Variants in LY9 observed in about 807,000 individuals in gnomAD.
The protein encoded by LY9 is lymphocyte antigen 9.
LY9 carries 59 observed loss-of-function variants against 64.6 expected under a neutral mutation model. The ratio of observed to expected loss-of-function variants is 0.91; its 90% CI spans 0.74 to 1.13. LY9 has a LOEUF of 1.13. Among genes scored for constraint, LY9 ranks in the 50% most tolerant of loss-of-function variants. The probability of loss-of-function intolerance (pLI) is 0.00; values close to 1 mark genes in which losing one functional copy is unlikely to be tolerated. For missense variants in LY9, 789 were observed against 797.2 expected (o/e 0.99, Z 0.12); for synonymous variants, 281 against 308.5 (o/e 0.91, Z 0.93).
intron 1 of LY9, 30 bp downstream of exon 1, chr1:160,796,341 G>A: frequency 6.2e-7 from 1 of 1,600,702 alleles, no homozygotes; most frequent in Non-Finnish European, 8.5e-7. Flanking sequence ...ACCACTTCTT[G>A]CTACTGCGGT....
chr1:160,818,396 C>T lies in LY9; in HGVS notation c.1444+77C>T, dbSNP rs145719988. ...ACTTGTGGAGGCTTCTCTGCCCTCACACAATCCCGTGCTACCCCTCCCTGC... is the reference window on the plus strand; with the variant it reads ...ACTTGTGGAGGCTTCTCTGCCCTCATACAATCCCGTGCTACCCCTCCCTGC... On this transcript the variant is annotated intron_variant, in intron 6 of 9. Coordinates refer to ENST00000263285, the MANE Select transcript of LY9 (RefSeq NM_002348.4). 6.9e-4 allele frequency: 746 copies of T among 1,074,106 alleles called. 4 individuals are homozygous for T. The African/African-American group carries it at 0.01, about 15-fold the overall frequency. 66.5% of individuals were successfully genotyped at this position (1,074,106 alleles called of 1,614,324 possible).
intron 2 of LY9, chr1:160,811,460 T>C (rs1385488384): frequency 6.6e-6 from 1 of 152,232 alleles, no homozygotes. Context: ...AAGCTTTAAG[T>C]TCTGGCTCCA....
At chr1:160,798,819 C>T (rs1247205835) in intron 1 of LY9, 1 of 152,154 alleles carries the variant, frequency 6.6e-6, no homozygotes, top group Non-Finnish European at 1.5e-5. Context: ...CTTATTTTCC[C>T]ACCCAGAATT....
rs1380942453 is a variant in LY9 at position 160,805,115 on chromosome 1, TTTA to T, written c.454+5039_454+5041del. 5.3e-5 allele frequency among the ~76,000 whole-genome samples: 8 copies of T among 152,236 alleles called. 1 individual carries two copies. Among genetic ancestry groups the T allele is most frequent in the Admixed American group, 5.2e-4 (8 of 15,298 alleles). On this transcript the variant is annotated intron_variant, in intron 2 of 9. Transcript: ENST00000263285. ...TACTTCATCGAGTTTTGCTCTGATA[TTTA>T]TTATTTCTTTTCTTCTACTAATTTT...
intron 2 of LY9, among the ~76,000 whole-genome samples, chr1:160,806,436 C>T (rs1667001804): frequency 6.6e-6 from 1 of 152,178 alleles, no homozygotes; most frequent in African/African-American, 2.4e-5. Flanking sequence ...TGTAAGACCC[C>T]ATCTAGTGGT....
intron 7 of LY9, among the ~76,000 whole-genome samples, chr1:160,820,003 A>G (rs1668289397): frequency 6.6e-6 from 1 of 151,628 alleles, no homozygotes; most frequent in Admixed American, 6.6e-5. Context: ...GCCAAGATAG[A>G]CTCCTTAGAG....
intron 9 of LY9, among the ~76,000 whole-genome samples, chr1:160,827,488 A>AT (rs1553193490): frequency 6.6e-6 from 1 of 152,106 alleles, no homozygotes; most frequent in Non-Finnish European, 1.5e-5. Flanking sequence ...CTTCATTGTC[A>AT]TTTTTTTATC....
At chr1:160,824,318 A>T in intron 9 of LY9, 69 bp downstream of exon 9, 1 of 1,591,468 alleles carries the variant, frequency 6.3e-7, no homozygotes, top group Non-Finnish European at 8.6e-7. Flanking sequence ...GACCCTTTGA[A>T]CTGAAAATCC....
chr1:160,810,512 A>G (rs1316434743), intron 2 of LY9: 1 of 152,208 alleles, frequency 6.6e-6, no homozygotes, highest in African/African-American at 2.4e-5. Flanking sequence ...GTTCACCCTA[A>G]CAATTCCATT....
At chr1:160,802,180 C>T in intron 2 of LY9, 1 of 1,239,526 alleles carries the variant, frequency 8.1e-7, no homozygotes, top group East Asian at 3.7e-5. Flanking sequence ...GCCTTGTGTG[C>T]CAGTGGGGTT....
intron 9 of LY9, chr1:160,824,855 C>T (rs968123329): frequency 6.3e-6 from 1 of 157,790 alleles, no homozygotes. Context: ...GTGGCAGGCG[C>T]CTGTAGTTCC....
intron 1 of LY9, among the ~76,000 whole-genome samples, chr1:160,797,667 T>C (rs901876451): frequency 6.6e-6 from 1 of 152,234 alleles, no homozygotes; most frequent in African/African-American, 2.4e-5. Flanking sequence ...ATGATGCTTT[T>C]GTATCTCCAA....
In LY9 at chr1:160,819,360, C is replaced by A; in HGVS notation, c.1484C>A (p.Pro495Gln). The change falls in exon 7 of 10, where the codon CCA becomes CAA. Residue 495 changes from proline (P) to glutamine (Q), a missense_variant. Transcript: ENST00000263285. ...TTCTGTTCCAGCCAAGCTGAGGCCC[C>A]AGCGGATACACCAGGTAACATCACC... Reference protein sequence around the residue: ...PAFCSSQAEAPADTPEPTAGH... With the variant: ...PAFCSSQAEAQADTPEPTAGH... The A allele has an allele frequency of 6.2e-7, 1 of 1,613,528 alleles. No individual in the cohort carries two copies. Among genetic ancestry groups the A allele is most frequent in the Non-Finnish European group, 8.5e-7 (1 of 1,179,548 alleles).
At chr1:160,825,191 G>A (rs538354495) in intron 9 of LY9, among the ~76,000 whole-genome samples, 1 of 149,926 alleles carries the variant, frequency 6.7e-6, no homozygotes, top group South Asian at 2.1e-4. Context: ...CTGGGTGACA[G>A]AGTGAGACCA....
At chr1:160,811,812 C>T (rs1667497670) in intron 2 of LY9, 1 of 152,216 alleles carries the variant, frequency 6.6e-6, no homozygotes, top group East Asian at 1.9e-4. Context: ...GCAGCATTCC[C>T]TGCAGTGTTC....
chr1:160,804,107 G>A (rs67841898), intron 2 of LY9, among the ~76,000 whole-genome samples: 4,073 of 152,282 alleles, frequency 0.027, 81 homozygotes, highest in Non-Finnish European at 0.036. Flanking sequence ...ATTTCTCTGA[G>A]TAGAACTTTC....
At position 160,813,858 on chromosome 1, in the gene LY9, AC is replaced by A; in HGVS notation, c.681del (p.Val228SerfsTer31). The stretch of plus-strand genomic sequence containing the variant: ...CTGCCATACATCTGCACAGCCCAGA[AC>A]CCCGTCAGCCAGAGAAGCTCCCTCC... ...PDLPYICTAQ[N>X]PVSQRSSLPV... is the part of the protein sequence containing the mutation. On this transcript the variant is annotated frameshift_variant, in exon 3 of 10. Coordinates refer to ENST00000263285, the MANE Select transcript of LY9 (RefSeq NM_002348.4). LOFTEE classifies it high-confidence loss of function. 6.2e-7 allele frequency: 1 copy of A among 1,614,008 alleles called. No individual in the cohort carries two copies. The highest frequency in any genetic ancestry group is 8.5e-7 in the Non-Finnish European group (1 of 1,179,988).
chr1:160,802,934 C>T (rs926781257), intron 2 of LY9, among the ~76,000 whole-genome samples: 1 of 152,102 alleles, frequency 6.6e-6, no homozygotes, highest in African/African-American at 2.4e-5. Flanking sequence ...GTTCTTTTTG[C>T]TTAGCATTGC....
At chr1:160,813,989 T>A in intron 3 of LY9, 78 bp downstream of exon 3, 5 of 1,438,704 alleles carry the variant, frequency 3.5e-6, no homozygotes, top group Non-Finnish European at 4.7e-6. Flanking sequence ...CCTAGGATCC[T>A]GGTCAGACAC....
Sources: allele counts gnomAD v4.1 joint callset (sites outside exome capture counted in the v4.1 genomes callset), GRCh38; gene constraint gnomAD v4.1.1; transcripts MANE v1.5; gene names NCBI Gene and HGNC (gene_info 2026-07-23, HGNC 2026-07-21).